The following ITGAE variants were observed in gnomAD, a reference collection of about 807,000 sequenced individuals.
The protein encoded by ITGAE is integrin subunit alpha E.
Under a neutral mutation model 136.5 loss-of-function variants are expected in ITGAE, and 99 were observed. The ratio of observed to expected loss-of-function variants is 0.73; its 90% CI spans 0.62 to 0.86. ITGAE has a LOEUF of 0.86. Ranked by LOEUF, ITGAE falls within the 40% of genes least tolerant of loss-of-function variation. The pLI is 0.00. For missense variants in ITGAE, 1,447 were observed against 1,515.3 expected (o/e 0.95, Z 0.75); for synonymous variants, 613 against 591.8 (o/e 1.04, Z -0.52).
At chr17:3,756,942 G>A (rs1410502152) in intron 10 of ITGAE, 42 bp downstream of exon 10, 1 of 1,582,420 alleles carries the variant, frequency 6.3e-7, no homozygotes, top group Non-Finnish European at 8.6e-7. Flanking sequence ...CTGGAGCATA[G>A]GCTCGGGCCT....
chr17:3,763,806 T>G, intron 3 of ITGAE, 63 bp downstream of exon 3: 2 of 1,297,092 alleles, frequency 1.5e-6, no homozygotes, highest in Non-Finnish European at 2.2e-6. Flanking sequence ...TGAGTTTAGA[T>G]GAGGGGGATT....
intron 2 of ITGAE, among the ~76,000 whole-genome samples, chr17:3,766,070 T>A (rs2052290708): frequency 6.6e-6 from 1 of 152,144 alleles, no homozygotes; most frequent in African/African-American, 2.4e-5. Flanking sequence ...CTGGATTATC[T>A]AGGTGGGCTC....
chr17:3,785,679 A>G (rs892762013), intron 1 of ITGAE, among the ~76,000 whole-genome samples: 1 of 152,208 alleles, frequency 6.6e-6, no homozygotes, highest in African/African-American at 2.4e-5. Context: ...AGGAATAAAG[A>G]TATGAACACG....
chr17:3,760,430 C>T (rs1468988759), intron 6 of ITGAE, 143 bp from the exon 7 acceptor site: 311 of 64,160 alleles, frequency 4.8e-3, no homozygotes, highest in South Asian at 0.016. Flanking sequence ...AAGAGGGAAG[C>T]TTTTTTTTTT....
chr17:3,729,541 C>A lies in ITGAE; in HGVS notation c.2849G>T (p.Arg950Leu). The A allele has an allele frequency of 6.2e-7, 1 of 1,600,342 alleles. No individual in the cohort carries two copies. The highest frequency in any genetic ancestry group is 8.6e-7 in the Non-Finnish European group (1 of 1,168,474). ...GGTGTGGGTCTCGTTGGCCAAAGACCGTCTTTCATTGGAACTAGGAATAAG... is the reference window on the plus strand; with the variant it reads ...GGTGTGGGTCTCGTTGGCCAAAGACAGTCTTTCATTGGAACTAGGAATAAG... ...TVTVTNSNER[R>L]SLANETHTLQ... The change falls in exon 24 of 31, where the codon CGG becomes CTG. Residue 950 changes from arginine (R) to leucine (L), a missense_variant. Physicochemically the swap from Arg to Leu is moderately radical, Grantham distance 102. Around this residue, in one of 3 missense-constraint regions of ITGAE, gnomAD observed 1,031 missense variants for 1,011.4 expected, o/e 1.02. Transcript: ENST00000263087.
chr17:3,795,943 C>G (rs555836504), intron 1 of ITGAE, among the ~76,000 whole-genome samples: 1,737 of 104,550 alleles, frequency 0.017, 35 homozygotes, highest in African/African-American at 0.064. Context: ...GTGTGTGCAT[C>G]CGTGTGTGCA....
rs926667155 is a variant in ITGAE, at chr17:3,799,862, T to C, written c.34+1249A>G. 1.3e-5 allele frequency among the ~76,000 whole-genome samples: 2 copies of C among 152,244 alleles called. No individual in the cohort carries two copies. Among genetic ancestry groups the C allele is most frequent in the South Asian group, 2.1e-4 (1 of 4,836 alleles). On this transcript the variant is annotated intron_variant, in intron 1 of 30. Transcript: ENST00000263087. The surrounding 1 kb of genome is among the most constrained non-coding windows in gnomAD (Gnocchi z 4.1). Reference sequence around the variant, plus strand: ...ATATTAGGCCGGGCAAGGTGGCTCATGCCTGTAGTCCCAACACTTTGGGAG... The same window carrying C: ...ATATTAGGCCGGGCAAGGTGGCTCACGCCTGTAGTCCCAACACTTTGGGAG...
At chr17:3,743,390 T>A in intron 19 of ITGAE, 99 bp downstream of exon 19, 1 of 1,379,970 alleles carries the variant, frequency 7.2e-7, no homozygotes, top group Non-Finnish European at 9.8e-7. Flanking sequence ...TCTGAAGACA[T>A]TGCCTCCCAA....
chr17:3,740,179 C>G (rs1365073485), intron 19 of ITGAE, among the ~76,000 whole-genome samples: 3 of 152,210 alleles, frequency 2.0e-5, no homozygotes, highest in African/African-American at 7.2e-5. Flanking sequence ...ACATTTACAT[C>G]ATGCGAATTC....
intron 2 of ITGAE, among the ~76,000 whole-genome samples, chr17:3,768,490 G>T (rs1206660303): frequency 6.6e-6 from 1 of 152,134 alleles, no homozygotes; most frequent in Non-Finnish European, 1.5e-5. Flanking sequence ...GTCAGTGGCA[G>T]CCCCAGTTCC....
rs2052603054 is a variant in ITGAE, at chr17:3,778,876, C to T, written c.35-1216G>A. On this transcript the variant is annotated intron_variant, in intron 1 of 30. Coordinates refer to ENST00000263087, the MANE Select transcript of ITGAE (RefSeq NM_002208.5). ...GACAGTGATCTCTAGAAAACATGGA[C>T]AAATAACACGAGCCCTGTCGTTACC... 3.3e-5 allele frequency among the ~76,000 whole-genome samples: 5 copies of T among 152,104 alleles called. No homozygotes were observed. In the South Asian group the frequency reaches 1.0e-3, roughly 32 times the overall value.
chr17:3,727,849 G>A, intron 26 of ITGAE, 70 bp downstream of exon 26: 1 of 997,798 alleles, frequency 1.0e-6, no homozygotes, highest in Non-Finnish European at 1.6e-6. Context: ...TAGAACTCTG[G>A]TTTTTATACT....
chr17:3,748,091 T>G, intron 16 of ITGAE, 39 bp from the exon 17 acceptor site: 1 of 1,588,444 alleles, frequency 6.3e-7, no homozygotes, highest in Non-Finnish European at 8.6e-7. Flanking sequence ...AAGTGACTGC[T>G]CAGCCTCTGG....
At chr17:3,755,081 G>C (rs1229420452) in intron 12 of ITGAE, 36 bp downstream of exon 12, 1 of 1,543,418 alleles carries the variant, frequency 6.5e-7, no homozygotes, top group South Asian at 1.2e-5. Flanking sequence ...GCCCTCATCA[G>C]GTGGCCCCGC....
Position 3,725,167 on chromosome 17 carries a change from C to T in ITGAE, c.3085-1423G>A, listed in dbSNP as rs376264147. The T allele has an allele frequency of 1.1e-5, 17 of 1,614,078 alleles. No individual in the cohort carries two copies. The Admixed American group carries it at 2.7e-4, about 25-fold the overall frequency. On this transcript the variant is annotated intron_variant, in intron 26 of 30. Coordinates refer to ENST00000263087, the MANE Select transcript of ITGAE (RefSeq NM_002208.5). ...TGCAGCATCTATACCACTGCCACTT[C>T]TCTCTCTGGATCCCTCCTATCAGAA...
intron 28 of ITGAE, chr17:3,721,857 C>A (rs2051057948): frequency 6.6e-6 from 1 of 151,744 alleles, no homozygotes; most frequent in Non-Finnish European, 1.5e-5. Flanking sequence ...ACCAGCCTGA[C>A]CAACACGATG....
At chr17:3,723,844 CCG>C in intron 26 of ITGAE, 100 bp from the exon 27 acceptor site, 1 of 1,538,504 alleles carries the variant, frequency 6.5e-7, no homozygotes, top group Non-Finnish European at 8.8e-7. Context: ...ATGCGCAGGG[CCG>C]GGAGCTAGGA....
intron 16 of ITGAE, among the ~76,000 whole-genome samples, chr17:3,749,605 G>A (rs1279723023): frequency 6.6e-6 from 1 of 152,168 alleles, no homozygotes; most frequent in South Asian, 2.1e-4. Flanking sequence ...CAGCAGCTCA[G>A]GGAGGTGCTG....
chr17:3,800,746 C>T (rs975469821), intron 1 of ITGAE, among the ~76,000 whole-genome samples: 2 of 152,202 alleles, frequency 1.3e-5, no homozygotes, highest in African/African-American at 4.8e-5. Flanking sequence ...GGAGCTCTGC[C>T]AGGCGGAGCC....
Sources: allele counts gnomAD v4.1 joint callset (sites outside exome capture counted in the v4.1 genomes callset), GRCh38; gene constraint gnomAD v4.1.1; regional missense constraint gnomAD v4.1.1; non-coding constraint Gnocchi (gnomAD v3.1); transcripts MANE v1.5; gene names NCBI Gene and HGNC (gene_info 2026-07-23, HGNC 2026-07-21).